NBEA: variants seen among roughly 807,000 people sequenced by gnomAD.
NBEA encodes neurobeachin.
In NBEA, 44 loss-of-function variants were observed where a neutral mutation model predicts 343.4. The observed-to-expected ratio is 0.13, with a 90% CI of 0.10 to 0.16. The LOEUF is 0.16. Ranked by LOEUF, NBEA falls within the 10% of genes least tolerant of loss-of-function variation. The pLI is 1.00. For synonymous variants in NBEA, 1,175 were observed against 1,238.7 expected, an observed-to-expected ratio of 0.95 and a Z score of 1.08; for missense variants, 2,555 against 3,631.3, an observed-to-expected ratio of 0.70 and a Z score of 7.62.
At chr13:35,242,655 A>G (rs74048956) in intron 34 of NBEA, among the ~76,000 whole-genome samples, 1 of 151,854 alleles carries the variant, frequency 6.6e-6, no homozygotes, top group Non-Finnish European at 1.5e-5. Flanking sequence ...AAAATTGTAC[A>G]TGTACAATGA....
chr13:35,429,490 A>G (rs142869597), intron 38 of NBEA, among the ~76,000 whole-genome samples: 2,067 of 152,028 alleles, frequency 0.014, 58 homozygotes, highest in African/African-American at 0.047. Flanking sequence ...TCATTGGTCT[A>G]TCTGGGCTGT....
At chr13:35,094,593 A>T (rs1161249789) in intron 10 of NBEA, among the ~76,000 whole-genome samples, 2 of 152,008 alleles carry the variant, frequency 1.3e-5, no homozygotes, top group Admixed American at 6.6e-5. Flanking sequence ...GTGTCACCGA[A>T]AATTATCTTG....
intron 8 of NBEA, among the ~76,000 whole-genome samples, chr13:35,063,539 G>A (rs2152570178): frequency 6.6e-6 from 1 of 152,032 alleles, no homozygotes; most frequent in South Asian, 2.1e-4. Flanking sequence ...AAGGAGCAAG[G>A]GGAAGAGTCA....
At chr13:35,057,418 A>G (rs1420366579) in intron 7 of NBEA, among the ~76,000 whole-genome samples, 2 of 152,070 alleles carry the variant, frequency 1.3e-5, no homozygotes, top group Non-Finnish European at 2.9e-5. Flanking sequence ...CTTGGCTTTT[A>G]ATTTTTAAAG....
At chr13:35,192,684 A>C (rs540799163) in intron 30 of NBEA, among the ~76,000 whole-genome samples, 31 of 152,102 alleles carry the variant, frequency 2.0e-4, no homozygotes, top group African/African-American at 7.0e-4. Context: ...CTAGTTAGAA[A>C]GTTAAACATT....
intron 46 of NBEA, among the ~76,000 whole-genome samples, chr13:35,589,120 A>T (rs1280353553): frequency 1.3e-4 from 20 of 152,136 alleles, no homozygotes; most frequent in Admixed American, 1.3e-3. Context: ...TCAGAGGAAG[A>T]TGAGAAATAC....
At position 35,205,165 on chromosome 13, in the gene NBEA, G is replaced by A. The variant is rs138895873; in HGVS notation, c.5367-3535G>A. 1.9e-4 allele frequency among the ~76,000 whole-genome samples: 29 copies of A among 152,256 alleles called. 1 individual carries two copies. The highest frequency in any genetic ancestry group is 3.4e-3 in the Middle Eastern group (1 of 294). ...AAGAAACAATATTAAGGACAAGAACGTGCAGTCCTTTAGTCCTAGATAAAC... is the reference window on the plus strand; with the variant it reads ...AAGAAACAATATTAAGGACAAGAACATGCAGTCCTTTAGTCCTAGATAAAC... On this transcript the variant is annotated intron_variant, in intron 31 of 58. Coordinates refer to ENST00000379939, the MANE Select transcript of NBEA (RefSeq NM_001385012.1).
At chr13:34,953,835 C>T (rs1033380488) in intron 1 of NBEA, among the ~76,000 whole-genome samples, 2 of 152,200 alleles carry the variant, frequency 1.3e-5, no homozygotes, top group Non-Finnish European at 2.9e-5. Flanking sequence ...CATGGGTGAG[C>T]GAGCATTACC....
chr13:35,419,703 G>C (rs1374118788), intron 38 of NBEA, among the ~76,000 whole-genome samples: 1 of 151,866 alleles, frequency 6.6e-6, no homozygotes, highest in African/African-American at 2.4e-5. Context: ...TGAATGTTGG[G>C]TTAATATCTA....
intron 9 of NBEA, 93 bp downstream of exon 9, chr13:35,070,198 G>A: frequency 8.0e-7 from 1 of 1,249,060 alleles, no homozygotes; most frequent in Non-Finnish European, 1.1e-6. Flanking sequence ...ATAAATCTAT[G>A]ATTTTTTTGC....
chr13:35,327,321 G>A (rs2038631632), intron 36 of NBEA, among the ~76,000 whole-genome samples: 1 of 152,050 alleles, frequency 6.6e-6, no homozygotes, highest in Non-Finnish European at 1.5e-5. Flanking sequence ...GAAAACACAT[G>A]TACACGTATG....
chr13:35,274,827 T>C (rs2034458699), intron 34 of NBEA, among the ~76,000 whole-genome samples: 1 of 152,150 alleles, frequency 6.6e-6, no homozygotes. Flanking sequence ...CAAGGAGAAC[T>C]ACAAACCACT....
At chr13:35,428,859 A>C (rs1459175987) in intron 38 of NBEA, among the ~76,000 whole-genome samples, 1 of 152,144 alleles carries the variant, frequency 6.6e-6, no homozygotes, top group Non-Finnish European at 1.5e-5. Context: ...ACTTCCTGTA[A>C]CATTGCTTCA....
chr13:35,556,303 G>C (rs1372146924), intron 44 of NBEA, among the ~76,000 whole-genome samples: 1 of 152,178 alleles, frequency 6.6e-6, no homozygotes, highest in East Asian at 1.9e-4. Flanking sequence ...TAAGTAAATA[G>C]CATGGTGTAG....
chr13:35,017,697 G>A (rs578162114), intron 1 of NBEA, among the ~76,000 whole-genome samples: 16 of 151,786 alleles, frequency 1.1e-4, no homozygotes, highest in Non-Finnish European at 1.9e-4. Flanking sequence ...TATATTCTGG[G>A]TACAAGTCTT....
intron 34 of NBEA, among the ~76,000 whole-genome samples, chr13:35,289,892 T>G (rs1000315784): frequency 1.3e-5 from 2 of 151,862 alleles, no homozygotes; most frequent in Non-Finnish European, 2.9e-5. Context: ...TTTTTAAAAT[T>G]ATTTAATAAC....
chr13:34,982,191 A>G (rs1321152258), intron 1 of NBEA, among the ~76,000 whole-genome samples: 1 of 152,120 alleles, frequency 6.6e-6, no homozygotes, highest in Non-Finnish European at 1.5e-5. Context: ...AACACTGTAT[A>G]ACTTCCTCTA....
intron 41 of NBEA, among the ~76,000 whole-genome samples, chr13:35,524,014 T>C (rs1485877465): frequency 1.3e-5 from 2 of 152,230 alleles, no homozygotes; most frequent in African/African-American, 4.8e-5. Flanking sequence ...TGGTAATGTT[T>C]TAAATATTCA....
At chr13:35,420,668 A>G (rs1444565541) in intron 38 of NBEA, among the ~76,000 whole-genome samples, 5 of 152,024 alleles carry the variant, frequency 3.3e-5, no homozygotes, top group Admixed American at 3.3e-4. Flanking sequence ...AGGAGTAAAC[A>G]TCTTAAATTT....
Sources: gnomAD v4.1 joint callset for allele counts (sites outside exome capture counted in the v4.1 genomes callset) on GRCh38, gnomAD v4.1.1 for gene constraint, MANE v1.5 for transcripts, NCBI Gene and HGNC (gene_info 2026-07-23, HGNC 2026-07-21) for gene names.